Variants in SLC9A9 observed in about 807,000 individuals in gnomAD.
The protein encoded by SLC9A9 is solute carrier family 9 member A9.
In SLC9A9, 62 loss-of-function variants were observed where a neutral mutation model predicts 77.8. The observed-to-expected ratio is 0.80, with a 90% CI of 0.65 to 0.98. SLC9A9 has a LOEUF of 0.98. Among genes scored for constraint, SLC9A9 ranks in the 50% least tolerant of loss-of-function variants. The pLI, the probability that SLC9A9 is intolerant of heterozygous loss-of-function variation, is 0.00. For synonymous variants in SLC9A9, 320 were observed against 283.5 expected (o/e 1.13, Z -1.29); for missense variants, 775 against 774.9 (o/e 1.00, Z 0.00).
intron 5 of SLC9A9, among the ~76,000 whole-genome samples, chr3:143,679,663 T>A (rs1933016950): frequency 1.3e-5 from 2 of 152,194 alleles, no homozygotes; most frequent in South Asian, 4.1e-4. Flanking sequence ...ATGAAAATGA[T>A]AACTGTAGTT....
chr3:143,847,900 C>A (rs373121541), intron 1 of SLC9A9: 1 of 549,498 alleles, frequency 1.8e-6, no homozygotes, highest in African/African-American at 1.9e-5. Flanking sequence ...GGACCCGCAT[C>A]TGTCAACAGA....
intron 12 of SLC9A9, among the ~76,000 whole-genome samples, chr3:143,391,722 C>T (rs1241230765): frequency 6.6e-6 from 1 of 152,096 alleles, no homozygotes; most frequent in East Asian, 1.9e-4. Flanking sequence ...AGACGAATGG[C>T]TAACTAGAAT....
intron 12 of SLC9A9, among the ~76,000 whole-genome samples, chr3:143,400,079 A>G (rs921829652): frequency 2.0e-5 from 3 of 152,158 alleles, no homozygotes; most frequent in African/African-American, 7.2e-5. Flanking sequence ...TTGTGACACC[A>G]CTGATTATGA....
chr3:143,602,386 C>T (rs1006644777), intron 6 of SLC9A9, among the ~76,000 whole-genome samples: 10 of 152,324 alleles, frequency 6.6e-5, no homozygotes, highest in Non-Finnish European at 1.5e-4. Context: ...TGAACGTCCA[C>T]CTCTTAAGAT....
chr3:143,772,453 T>C (rs924713017), intron 4 of SLC9A9, among the ~76,000 whole-genome samples: 2 of 152,298 alleles, frequency 1.3e-5, no homozygotes, highest in Non-Finnish European at 1.5e-5. Context: ...CAAGTACAGA[T>C]ATTTGGGAAG....
chr3:143,503,793 G>T (rs558370619), intron 9 of SLC9A9: 3 of 339,528 alleles, frequency 8.8e-6, no homozygotes, highest in South Asian at 4.7e-5. Context: ...GATGGCCTTG[G>T]CTGGGAGGCT....
In SLC9A9 at chr3:143,652,464, CA is replaced by C; in HGVS notation, c.650-105del. 3.6e-6 allele frequency: 3 copies of C among 842,802 alleles called. No homozygotes were observed. In the South Asian group the frequency reaches 4.3e-5, roughly 12 times the overall value. 52.2% of individuals were successfully genotyped at this position (842,802 alleles called of 1,614,324 possible). ...AACATTAATGAAATGCTCATCTTCT[CA>C]AATCCAATGACTATACTAACACCAG... On this transcript the variant is annotated intron_variant, in intron 5 of 15. Transcript: ENST00000316549.
At chr3:143,414,927 G>A (rs934179189) in intron 12 of SLC9A9, among the ~76,000 whole-genome samples, 1 of 152,226 alleles carries the variant, frequency 6.6e-6, no homozygotes, top group Non-Finnish European at 1.5e-5. Context: ...CAAAGGAAGA[G>A]TTCTTGAAGG....
intron 14 of SLC9A9, among the ~76,000 whole-genome samples, chr3:143,292,144 G>T (rs1559854997): frequency 6.6e-6 from 1 of 152,214 alleles, no homozygotes. Flanking sequence ...AGGACACAGA[G>T]CCAGAGGCCT....
intron 6 of SLC9A9, among the ~76,000 whole-genome samples, chr3:143,643,759 TCTTA>T (rs1202783948): frequency 6.6e-6 from 1 of 152,174 alleles, no homozygotes; most frequent in Non-Finnish European, 1.5e-5. Flanking sequence ...TTGTTATTAT[TCTTA>T]CTTGTCCTCC....
chr3:143,416,009 G>A (rs1051473541), intron 12 of SLC9A9, among the ~76,000 whole-genome samples: 2 of 152,158 alleles, frequency 1.3e-5, no homozygotes, highest in African/African-American at 4.8e-5. Flanking sequence ...GGAGGGGGTT[G>A]GGGGAGTGGG....
intron 14 of SLC9A9, among the ~76,000 whole-genome samples, chr3:143,283,539 T>G (rs561007379): frequency 6.6e-6 from 1 of 152,192 alleles, no homozygotes; most frequent in African/African-American, 2.4e-5. Flanking sequence ...GATAACTGGC[T>G]CCTCAGGCAT....
intron 11 of SLC9A9, among the ~76,000 whole-genome samples, chr3:143,471,072 C>G (rs368327411): frequency 1.3e-5 from 2 of 152,280 alleles, no homozygotes; most frequent in East Asian, 1.9e-4. Context: ...AGGATGCCTT[C>G]TCAATGTTAT....
chr3:143,429,068 T>C (rs2034459053), intron 12 of SLC9A9, among the ~76,000 whole-genome samples: 1 of 152,210 alleles, frequency 6.6e-6, no homozygotes, highest in Non-Finnish European at 1.5e-5. Context: ...GTCATCACAA[T>C]GATAAATGTT....
chr3:143,386,113 C>T (rs2033419456), intron 12 of SLC9A9, among the ~76,000 whole-genome samples: 1 of 152,176 alleles, frequency 6.6e-6, no homozygotes, highest in Non-Finnish European at 1.5e-5. Context: ...CTTCCTAGGT[C>T]TCAGATCTCC....
In SLC9A9 at chr3:143,266,012, T is replaced by A; in HGVS notation, c.*690A>T. ...CCTGGTTTTCTTGGAATGGTCCTAC[T>A]AAGCTTGAAAGTGGTGCTGCATTTA... On this transcript the variant is annotated 3_prime_UTR_variant, in exon 16 of 16. Coordinates refer to ENST00000316549, the MANE Select transcript of SLC9A9 (RefSeq NM_173653.4). 1.4e-6 allele frequency: 1 copy of A among 701,222 alleles called. No individual in the cohort carries two copies. Among genetic ancestry groups the A allele is most frequent in the Non-Finnish European group, 2.6e-6 (1 of 384,286 alleles). The allele number at this position is 701,222 out of a possible 1,614,324, so 43.4% of individuals were successfully genotyped here.
At chr3:143,296,623 A>T (rs2030280931) in intron 14 of SLC9A9, among the ~76,000 whole-genome samples, 1 of 152,136 alleles carries the variant, frequency 6.6e-6, no homozygotes, top group African/African-American at 2.4e-5. Flanking sequence ...TTTCCATAGC[A>T]TCCGCACCAT....
chr3:143,276,453 T>G (rs569754064), intron 14 of SLC9A9, among the ~76,000 whole-genome samples: 2 of 152,344 alleles, frequency 1.3e-5, no homozygotes, highest in East Asian at 3.9e-4. Flanking sequence ...GTTCTGCCTG[T>G]TTCTATGTAG....
At chr3:143,643,714 C>T (rs1371523248) in intron 6 of SLC9A9, among the ~76,000 whole-genome samples, 1 of 152,134 alleles carries the variant, frequency 6.6e-6, no homozygotes, top group East Asian at 1.9e-4. Context: ...TTTTAATCCA[C>T]CATGTTCTGA....
Sources: gnomAD v4.1 joint callset for allele counts (sites outside exome capture counted in the v4.1 genomes callset) on GRCh38, gnomAD v4.1.1 for gene constraint, MANE v1.5 for transcripts, NCBI Gene and HGNC (gene_info 2026-07-23, HGNC 2026-07-21) for gene names.